VBP1: variants seen among roughly 807,000 people sequenced by gnomAD.
VBP1 encodes VHL binding protein 1, also known as prefoldin subunit 3.
In VBP1, 4 loss-of-function variants were observed where a neutral mutation model predicts 15.5. The ratio of observed to expected loss-of-function variants is 0.26; its 90% CI spans 0.13 to 0.59. The LOEUF (loss-of-function observed/expected upper bound fraction) is 0.59, where lower values mean the gene tolerates loss of function less well. Ranked by LOEUF, VBP1 falls within the 20% of genes least tolerant of loss-of-function variation. The pLI, the probability that VBP1 is intolerant of heterozygous loss-of-function variation, is 0.90. For synonymous variants in VBP1, 61 were observed against 52.1 expected (o/e 1.17, Z -0.74); for missense variants, 108 against 139.6 (o/e 0.77, Z 1.14).
intron 1 of VBP1, among the ~76,000 whole-genome samples, chrX:155,218,821 A>G (rs1557309319): frequency 1.8e-5 from 2 of 112,119 alleles, no homozygotes; most frequent in African/African-American, 6.5e-5. Flanking sequence ...GAGGTTAAAT[A>G]ACTTCCCTAA....
intron 4 of VBP1, among the ~76,000 whole-genome samples, chrX:155,230,972 C>T (rs2074743392): frequency 8.9e-6 from 1 of 112,098 alleles, no homozygotes; most frequent in African/African-American, 3.2e-5. Flanking sequence ...GCCACCGTGT[C>T]CAGTCTCTCT....
chrX:155,233,810 C>T (rs1035401197), intron 4 of VBP1, among the ~76,000 whole-genome samples: 3 of 111,059 alleles, frequency 2.7e-5, no homozygotes, highest in African/African-American at 9.9e-5. Flanking sequence ...GATGCTGGTT[C>T]CATGAGTGTG....
chrX:155,218,924 C>G (rs1557309329), intron 1 of VBP1, among the ~76,000 whole-genome samples: 2 of 112,080 alleles, frequency 1.8e-5, no homozygotes, highest in Non-Finnish European at 3.8e-5. Context: ...TTAATTCTTG[C>G]TAAACTCCAG....
intron 4 of VBP1, among the ~76,000 whole-genome samples, chrX:155,232,278 G>A (rs1474559415): frequency 4.0e-4 from 42 of 105,861 alleles, no homozygotes; most frequent in African/African-American, 1.3e-3. Flanking sequence ...TATGTATTTC[G>A]GATGCACAGT....
intron 4 of VBP1, among the ~76,000 whole-genome samples, chrX:155,229,814 G>A (rs1306368940): frequency 9.0e-6 from 1 of 111,693 alleles, no homozygotes; most frequent in East Asian, 2.8e-4. Context: ...TCTTTTGCCT[G>A]GTTGCTCAGA....
At chrX:155,226,699 A>G (rs1170119801) in intron 2 of VBP1, among the ~76,000 whole-genome samples, 1 of 112,304 alleles carries the variant, frequency 8.9e-6, no homozygotes, top group Non-Finnish European at 1.9e-5. Flanking sequence ...TACCCAATGC[A>G]CACACCAGGA....
chrX:155,201,114 A>G (rs1397081813), intron 1 of VBP1, among the ~76,000 whole-genome samples: 1 of 111,198 alleles, frequency 9.0e-6, no homozygotes, highest in Non-Finnish European at 1.9e-5. Context: ...TGTGGCAATA[A>G]TCAATAGCTT....
intron 2 of VBP1, among the ~76,000 whole-genome samples, chrX:155,226,130 C>T (rs1569560938): frequency 1.8e-5 from 2 of 112,084 alleles, no homozygotes; most frequent in African/African-American, 3.2e-5. Context: ...TATCCTTAGT[C>T]TGTTTTGCTA....
intron 1 of VBP1, among the ~76,000 whole-genome samples, chrX:155,201,308 A>C (rs2074602706): frequency 1.8e-5 from 2 of 108,280 alleles, no homozygotes; most frequent in Admixed American, 9.9e-5. Flanking sequence ...ACACAACAAA[A>C]AAAGAGAATT....
intron 1 of VBP1, among the ~76,000 whole-genome samples, chrX:155,199,167 A>C (rs887084649): frequency 9.0e-6 from 1 of 111,626 alleles, no homozygotes; most frequent in Non-Finnish European, 1.9e-5. Context: ...GAATGGAACC[A>C]AGTTGGAAAA....
intron 1 of VBP1, among the ~76,000 whole-genome samples, chrX:155,198,391 G>C (rs5940455): frequency 0.36 from 40,020 of 110,286 alleles, 6,385 homozygotes; most frequent in African/African-American, 0.6. Context: ...CTCACACGGC[G>C]GGGTACTCCT....
At chrX:155,207,361 A>G (rs1163480849) in intron 1 of VBP1, among the ~76,000 whole-genome samples, 2 of 111,945 alleles carry the variant, frequency 1.8e-5, no homozygotes, top group African/African-American at 6.5e-5. Context: ...AGGTTTCCTA[A>G]AAGGACTAGG....
At chrX:155,238,019 C>T (rs1455356755) in intron 5 of VBP1, among the ~76,000 whole-genome samples, 5 of 110,713 alleles carry the variant, frequency 4.5e-5, no homozygotes, top group African/African-American at 1.6e-4. Flanking sequence ...GGGCCTAGGA[C>T]GGGTGGCTTG....
At position 155,236,063 on chromosome X, in the gene VBP1, G is replaced by A. The variant is rs1344534874; in HGVS notation, c.385-166G>A. Among the ~76,000 whole-genome samples, 10 of 112,313 alleles carry A rather than the reference G, an allele frequency of 8.9e-5. 1 individual carries two copies. The highest frequency in any genetic ancestry group is 3.2e-5 in the African/African-American group (1 of 30,860). ...CTCAACCACTCAGTTTTGCCATTGT[G>A]GTATGAAAGCCTGAGTAGAGAATAG... On this transcript the variant is annotated intron_variant, in intron 4 of 5. Transcript: ENST00000286428.
intron 1 of VBP1, among the ~76,000 whole-genome samples, chrX:155,200,353 T>G (rs1470482426): frequency 2.8e-5 from 3 of 105,842 alleles, no homozygotes; most frequent in Non-Finnish European, 3.9e-5. Context: ...GACCACATAG[T>G]TGGAAGTAAA....
intron 2 of VBP1, among the ~76,000 whole-genome samples, chrX:155,226,820 C>T (rs1557310309): frequency 9.0e-6 from 1 of 111,644 alleles, no homozygotes; most frequent in African/African-American, 3.3e-5. Flanking sequence ...TTTAAAATTT[C>T]ATTCTAATCA....
chrX:155,222,941 C>T (rs782609253), intron 2 of VBP1, among the ~76,000 whole-genome samples: 7 of 111,094 alleles, frequency 6.3e-5, no homozygotes, highest in Admixed American at 2.9e-4. Context: ...CTCCTGGGTT[C>T]AAGCAATTCT....
At chrX:155,222,271 C>A (rs1397225742) in intron 2 of VBP1, among the ~76,000 whole-genome samples, 1 of 111,912 alleles carries the variant, frequency 8.9e-6, no homozygotes, top group Non-Finnish European at 1.9e-5. Flanking sequence ...ATCGCTTGAG[C>A]CCAGGAGTTC....
At chrX:155,225,609 A>G (rs2074715975) in intron 2 of VBP1, among the ~76,000 whole-genome samples, 1 of 111,991 alleles carries the variant, frequency 8.9e-6, no homozygotes, top group African/African-American at 3.3e-5. Flanking sequence ...CATCTGATTG[A>G]TTCATTAATA....
Sources: allele counts gnomAD v4.1 joint callset (sites outside exome capture counted in the v4.1 genomes callset), GRCh38; gene constraint gnomAD v4.1.1; transcripts MANE v1.5; gene names NCBI Gene and HGNC (gene_info 2026-07-23, HGNC 2026-07-21).